Variants in ARHGAP19 observed in about 807,000 individuals in gnomAD.
The protein encoded by ARHGAP19 is rho GTPase-activating protein 19.
ARHGAP19 carries 48 observed loss-of-function variants against 60.9 expected under a neutral mutation model. That is an observed-to-expected ratio of 0.79 (90% CI 0.62 to 1.00). The LOEUF is 1.00. Ranked by LOEUF, ARHGAP19 falls within the 50% of genes least tolerant of loss-of-function variation. The pLI, the probability that ARHGAP19 is intolerant of heterozygous loss-of-function variation, is 0.00. For synonymous variants in ARHGAP19, 209 were observed against 215.5 expected (o/e 0.97, Z 0.27); for missense variants, 562 against 597.2 (o/e 0.94, Z 0.61).
intron 6 of ARHGAP19, among the ~76,000 whole-genome samples, chr10:97,248,324 G>T (rs1842592642): frequency 2.0e-5 from 3 of 152,036 alleles, no homozygotes; most frequent in Admixed American, 6.6e-5. Flanking sequence ...TGAGGTGGGA[G>T]GATCGACTGG....
intron 1 of ARHGAP19, among the ~76,000 whole-genome samples, chr10:97,282,839 CTTTTT>C (rs56387291): frequency 2.2e-5 from 2 of 90,994 alleles, no homozygotes; most frequent in Admixed American, 1.3e-4. Flanking sequence ...TTTCTTTTTT[CTTTTT>C]TTTTTTTTTT....
intron 1 of ARHGAP19, among the ~76,000 whole-genome samples, chr10:97,279,027 A>T (rs1843052015): frequency 6.6e-6 from 1 of 152,196 alleles, no homozygotes; most frequent in African/African-American, 2.4e-5. Context: ...CCTCTCTCTT[A>T]CTGCTTTTTC....
chr10:97,226,216 T>C (rs1850892258), intron 11 of ARHGAP19, 84 bp from the exon 12 acceptor site: 1 of 1,377,858 alleles, frequency 7.3e-7, no homozygotes, highest in Non-Finnish European at 1.0e-6. Flanking sequence ...CTACAGGGTC[T>C]ACACTTAATA....
Position 97,266,044 on chromosome 10 carries a change from C to T in ARHGAP19, c.138G>A (p.Val46=), listed in dbSNP as rs1842895050. 2 of 1,614,006 alleles carry T rather than the reference C, an allele frequency of 1.2e-6. No individual in the cohort carries two copies. Among genetic ancestry groups the T allele is most frequent in the African/African-American group, 2.7e-5 (2 of 74,908 alleles). ...QPIIFNPDFF[V]EKLRHEKPEI... ...CAGGTTTCTCATGTCGGAGTTTCTC[C>T]ACAAAAAAGTCAGGATTAAAGATAA... Residue 46 remains valine (V), a synonymous_variant, in exon 2 of 12, where the codon GTG becomes GTA. Transcript: ENST00000358531.
chr10:97,260,931 A>AT (rs1229315634), intron 4 of ARHGAP19, among the ~76,000 whole-genome samples: 2 of 125,126 alleles, frequency 1.6e-5, no homozygotes, highest in African/African-American at 6.1e-5. Context: ...CCATCTCTAT[A>AT]TTTAAAAAAA....
chr10:97,253,941 G>A (rs1715182761), intron 6 of ARHGAP19, among the ~76,000 whole-genome samples: 1 of 152,026 alleles, frequency 6.6e-6, no homozygotes, highest in South Asian at 2.1e-4. Context: ...CAGGGCTTTG[G>A]AACATATCTC....
chr10:97,253,379 C>CAAAAAAAAA (rs551066347), intron 6 of ARHGAP19, among the ~76,000 whole-genome samples: 15 of 82,384 alleles, frequency 1.8e-4, no homozygotes, highest in South Asian at 3.6e-4. Context: ...AACTCTATCT[C>CAAAAAAAAA]AAAAAAAAAA....
At chr10:97,235,682 T>C (rs1363091424) in intron 8 of ARHGAP19, among the ~76,000 whole-genome samples, 1 of 152,090 alleles carries the variant, frequency 6.6e-6, no homozygotes, top group African/African-American at 2.4e-5. Context: ...TCTAAAACAG[T>C]CCCTAATTTA....
In ARHGAP19 at chr10:97,225,898, A is replaced by C; in HGVS notation, c.*224T>G. The C allele has an allele frequency of 1.8e-6, 1 of 550,266 alleles. No individual in the cohort carries two copies. The highest frequency in any genetic ancestry group is 1.9e-5 in the African/African-American group (1 of 52,932). The allele number at this position is 550,266 out of a possible 1,614,324, so 34.1% of individuals were successfully genotyped here. The stretch of plus-strand genomic sequence containing the variant: ...TAGTTAGTGGTTTCCCCATAATATT[A>C]AAAAAGAGAGACAGGGCCTAAGCAC... On this transcript the variant is annotated 3_prime_UTR_variant, in exon 12 of 12. Transcript: ENST00000358531.
intron 8 of ARHGAP19, among the ~76,000 whole-genome samples, chr10:97,236,168 G>T (rs749322308): frequency 1.1e-4 from 17 of 151,942 alleles, no homozygotes; most frequent in Non-Finnish European, 2.4e-4. Flanking sequence ...GTAGAGATGG[G>T]GCTTCACTGT....
At chr10:97,274,612 T>G (rs1843001307) in intron 1 of ARHGAP19, among the ~76,000 whole-genome samples, 1 of 152,210 alleles carries the variant, frequency 6.6e-6, no homozygotes, top group African/African-American at 2.4e-5. Context: ...GATTATATTA[T>G]TTTATAAACT....
At chr10:97,237,958 A>G (rs1842408942) in intron 8 of ARHGAP19, among the ~76,000 whole-genome samples, 1 of 152,114 alleles carries the variant, frequency 6.6e-6, no homozygotes, top group Non-Finnish European at 1.5e-5. Context: ...CATCATTTAT[A>G]CCTTTTACCA....
chr10:97,230,333 C>T (rs976665491), intron 9 of ARHGAP19, among the ~76,000 whole-genome samples: 1 of 152,202 alleles, frequency 6.6e-6, no homozygotes, highest in Non-Finnish European at 1.5e-5. Context: ...ACTTCTTCCT[C>T]CCTGTCATTT....
At chr10:97,265,829 C>G in intron 2 of ARHGAP19, 31 bp downstream of exon 2, 1 of 1,606,038 alleles carries the variant, frequency 6.2e-7, no homozygotes, top group Non-Finnish European at 8.5e-7. Context: ...GCAGCTGAGG[C>G]CTGCCCACCC....
At chr10:97,290,513 G>A (rs1253401) in intron 1 of ARHGAP19, among the ~76,000 whole-genome samples, 39,224 of 151,916 alleles carry the variant, frequency 0.26, 5,270 homozygotes, top group Non-Finnish European at 0.3. Flanking sequence ...CCATTCCTTG[G>A]AATCGGTGAG....
At chr10:97,229,688 G>C (rs1206866757) in intron 10 of ARHGAP19, 76 bp downstream of exon 10, 2 of 1,076,566 alleles carry the variant, frequency 1.9e-6, no homozygotes, top group South Asian at 2.9e-5. Flanking sequence ...CAGTAAAACA[G>C]ATGACAGTAT....
chr10:97,227,881 G>A (rs530670015), intron 11 of ARHGAP19, among the ~76,000 whole-genome samples: 4 of 152,254 alleles, frequency 2.6e-5, no homozygotes, highest in African/African-American at 7.2e-5. Flanking sequence ...TTTAAAAAAC[G>A]TCTTTCTTTC....
chr10:97,244,613 T>C (rs1842536795), intron 7 of ARHGAP19, among the ~76,000 whole-genome samples: 1 of 152,172 alleles, frequency 6.6e-6, no homozygotes, highest in Non-Finnish European at 1.5e-5. Context: ...CTAATACTCC[T>C]TCCCACACAT....
chr10:97,283,430 T>C (rs1347186784), intron 1 of ARHGAP19, among the ~76,000 whole-genome samples: 1 of 151,944 alleles, frequency 6.6e-6, no homozygotes, highest in African/African-American at 2.4e-5. Flanking sequence ...GGCGCATGCC[T>C]GTAGTCCCAG....
Sources: gnomAD v4.1 joint callset for allele counts (sites outside exome capture counted in the v4.1 genomes callset) on GRCh38, gnomAD v4.1.1 for gene constraint, MANE v1.5 for transcripts, NCBI Gene and HGNC (gene_info 2026-07-23, HGNC 2026-07-21) for gene names.